The following CBLB variants were observed in gnomAD, a reference collection of about 807,000 sequenced individuals.
The protein encoded by CBLB is E3 ubiquitin-protein ligase CBL-B.
In CBLB, 31 loss-of-function variants were observed where a neutral mutation model predicts 104.9. The ratio of observed to expected loss-of-function variants is 0.30; its 90% confidence interval spans 0.22 to 0.40. The LOEUF (loss-of-function observed/expected upper bound fraction) is 0.40, where lower values mean the gene tolerates loss of function less well. Ranked by LOEUF, CBLB falls within the 10% of genes least tolerant of loss-of-function variation. The pLI, the probability that CBLB is intolerant of heterozygous loss-of-function variation, is 1.00. For missense variants in CBLB, 1,062 were observed against 1,214.6 expected (o/e 0.87, Z 1.87); for synonymous variants, 440 against 422.6 (o/e 1.04, Z -0.51).
chr3:105,718,615 G>GT (rs1457704319), intron 10 of CBLB, among the ~76,000 whole-genome samples: 1 of 152,124 alleles, frequency 6.6e-6, no homozygotes, highest in Non-Finnish European at 1.5e-5. Flanking sequence ...ACTCCACCTA[G>GT]TGACAATGGC....
intron 3 of CBLB, among the ~76,000 whole-genome samples, chr3:105,786,178 G>T (rs183142670): frequency 6.6e-6 from 1 of 152,002 alleles, no homozygotes; most frequent in Admixed American, 6.6e-5. Flanking sequence ...CCACATTATA[G>T]ATGATGTGTT....
chr3:105,779,388 A>C lies in CBLB; in HGVS notation c.420-2846T>G, dbSNP rs550889735. Among the ~76,000 whole-genome samples the C allele has an allele frequency of 1.9e-3, 283 of 151,992 alleles. 1 individual carries two copies. The highest frequency in any genetic ancestry group is 3.3e-3 in the Non-Finnish European group (226 of 68,022). On this transcript the variant is annotated intron_variant, in intron 3 of 18. Coordinates refer to ENST00000394030, the MANE Select transcript of CBLB (RefSeq NM_170662.5). ...ATTTTCTTGCTTCTGCAAATGGATC[A>C]CCACAATTTTATTTGGCTTTTGCAC...
chr3:105,775,815 T>G (rs2079391511), intron 4 of CBLB, among the ~76,000 whole-genome samples: 1 of 152,212 alleles, frequency 6.6e-6, no homozygotes, highest in African/African-American at 2.4e-5. Flanking sequence ...GACTACATCT[T>G]TGTGATAACA....
intron 3 of CBLB, among the ~76,000 whole-genome samples, chr3:105,788,710 C>T (rs1448645849): frequency 6.6e-6 from 1 of 152,136 alleles, no homozygotes; most frequent in Non-Finnish European, 1.5e-5. Context: ...TTAAAAATGG[C>T]CACAAAATCT....
chr3:105,755,108 A>C (rs1158570056), intron 4 of CBLB, among the ~76,000 whole-genome samples: 1 of 150,572 alleles, frequency 6.6e-6, no homozygotes, highest in Non-Finnish European at 1.5e-5. Context: ...TACATGTGCC[A>C]TGCTGGTGCG....
At chr3:105,701,839 C>T (rs1026142172) in intron 12 of CBLB, among the ~76,000 whole-genome samples, 11 of 151,610 alleles carry the variant, frequency 7.3e-5, no homozygotes, top group African/African-American at 1.9e-4. Context: ...AAATGAAATA[C>T]GGGAAGGTGA....
intron 3 of CBLB, among the ~76,000 whole-genome samples, chr3:105,836,373 T>C (rs9838768): frequency 0.98 from 149,353 of 152,232 alleles, 73,337 homozygotes; most frequent in East Asian, 1. Flanking sequence ...GGGAGTGTCC[T>C]CAATCTTGCT....
At chr3:105,789,633 A>G (rs1407915869) in intron 3 of CBLB, among the ~76,000 whole-genome samples, 2 of 152,302 alleles carry the variant, frequency 1.3e-5, no homozygotes, top group African/African-American at 4.8e-5. Flanking sequence ...CAAAGGTAGA[A>G]AAACCCCTGA....
rs190810468 is a variant in CBLB at position 105,692,121 on chromosome 3, G to A, written c.2054+1373C>T. Among the ~76,000 whole-genome samples, 8 of 152,284 alleles carry A rather than the reference G, an allele frequency of 5.3e-5. No homozygotes were observed. The East Asian group carries it at 1.5e-3, about 29-fold the overall frequency. ...ATGTATAGTGGGAGTTCAGTGAACT[G>A]CAGATGAAGGAATGAAGAAGCTCTA... On this transcript the variant is annotated intron_variant, in intron 13 of 18. Coordinates refer to ENST00000394030, the MANE Select transcript of CBLB (RefSeq NM_170662.5).
chr3:105,777,147 G>GA (rs561070353), intron 3 of CBLB, among the ~76,000 whole-genome samples: 26 of 152,302 alleles, frequency 1.7e-4, no homozygotes, highest in African/African-American at 6.0e-4. Flanking sequence ...AAAATAACAT[G>GA]AGACAGAGTA....
intron 18 of CBLB, among the ~76,000 whole-genome samples, chr3:105,665,575 T>C (rs1362709354): frequency 6.8e-6 from 1 of 147,274 alleles, no homozygotes; most frequent in Non-Finnish European, 1.5e-5. Context: ...TACCATATTA[T>C]ATAACCATAT....
intron 5 of CBLB, among the ~76,000 whole-genome samples, chr3:105,746,715 A>T (rs1467757896): frequency 6.6e-6 from 1 of 152,188 alleles, no homozygotes; most frequent in African/African-American, 2.4e-5. Flanking sequence ...ACTGTTAACA[A>T]CTGCTTCATT....
Position 105,858,583 on chromosome 3 carries a change from G to A in CBLB, c.169-4919C>T, listed in dbSNP as rs76463545. ...AAAATGATGAACTTTGTAGGGCACC[G>A]ATTGGTGCATAAAAGAATTGGTTCA... On this transcript the variant is annotated intron_variant, in intron 2 of 18. Transcript: ENST00000394030. Among the ~76,000 whole-genome samples, 634 of 152,290 alleles carry A rather than the reference G, an allele frequency of 4.2e-3. 5 individuals are homozygous for A. The highest frequency in any genetic ancestry group is 0.015 in the African/African-American group (610 of 41,568).
intron 2 of CBLB, among the ~76,000 whole-genome samples, chr3:105,866,419 C>T (rs950817382): frequency 6.6e-6 from 1 of 152,088 alleles, no homozygotes; most frequent in African/African-American, 2.4e-5. Flanking sequence ...TTTAAAACCT[C>T]CATTTCTTCA....
chr3:105,790,054 G>C (rs2081466565), intron 3 of CBLB, among the ~76,000 whole-genome samples: 1 of 152,106 alleles, frequency 6.6e-6, no homozygotes, highest in Admixed American at 6.5e-5. Context: ...CTATACCCAA[G>C]ACTTGCAGGA....
intron 7 of CBLB, among the ~76,000 whole-genome samples, chr3:105,737,821 A>G (rs2075120013): frequency 1.3e-5 from 2 of 152,160 alleles, no homozygotes; most frequent in African/African-American, 4.8e-5. Flanking sequence ...ACACACAGAC[A>G]CACAGGCACA....
At chr3:105,732,961 G>C (rs1371127133) in intron 9 of CBLB, among the ~76,000 whole-genome samples, 2 of 152,148 alleles carry the variant, frequency 1.3e-5, no homozygotes, top group Non-Finnish European at 2.9e-5. Flanking sequence ...ATGTCAAACA[G>C]TTTCAAAATG....
At chr3:105,771,875 C>G (rs1426947207) in intron 4 of CBLB, among the ~76,000 whole-genome samples, 1 of 152,028 alleles carries the variant, frequency 6.6e-6, no homozygotes, top group East Asian at 1.9e-4. Flanking sequence ...CACTGAAACA[C>G]AGAAATTATA....
chr3:105,827,149 T>A (rs753473540), intron 3 of CBLB, among the ~76,000 whole-genome samples: 5 of 151,956 alleles, frequency 3.3e-5, no homozygotes, highest in Non-Finnish European at 7.4e-5. Flanking sequence ...CTGGCAAAGG[T>A]AGGGTATTTC....
Sources: allele counts gnomAD v4.1 joint callset (sites outside exome capture counted in the v4.1 genomes callset), GRCh38; gene constraint gnomAD v4.1.1; transcripts MANE v1.5; gene names NCBI Gene and HGNC (gene_info 2026-07-23, HGNC 2026-07-21).